The following SLC25A13 variants were observed in gnomAD, a reference collection of about 807,000 sequenced individuals.
SLC25A13 encodes the protein electrogenic aspartate/glutamate antiporter SLC25A13, mitochondrial.
In SLC25A13, 70 loss-of-function variants were observed where a neutral mutation model predicts 85.5. That is an observed-to-expected ratio of 0.82 (90% CI 0.68 to 1.00). SLC25A13 has a LOEUF of 1.00. SLC25A13 is among the 50% of genes least tolerant of loss of function. SLC25A13 has a pLI of 0.00. For synonymous variants in SLC25A13, 259 were observed against 288.7 expected, an observed-to-expected ratio of 0.90 and a Z score of 1.04; for missense variants, 765 against 819.8, an observed-to-expected ratio of 0.93 and a Z score of 0.82.
chr7:96,196,278 G>A (rs140026501), intron 5 of SLC25A13, among the ~76,000 whole-genome samples: 125 of 152,306 alleles, frequency 8.2e-4, no homozygotes, highest in African/African-American at 2.8e-3. Flanking sequence ...CATTGCTAAA[G>A]CTAGCTAAGC....
intron 3 of SLC25A13, among the ~76,000 whole-genome samples, chr7:96,266,692 T>C (rs1391228630): frequency 6.6e-6 from 1 of 152,214 alleles, no homozygotes; most frequent in Non-Finnish European, 1.5e-5. Flanking sequence ...TAAAAATTCT[T>C]TTTAATTTAC....
chr7:96,275,002 G>T (rs548161587), intron 3 of SLC25A13, among the ~76,000 whole-genome samples: 4 of 152,104 alleles, frequency 2.6e-5, no homozygotes, highest in Non-Finnish European at 5.9e-5. Context: ...GCTCTTTTTC[G>T]ATTCCATATG....
At chr7:96,127,027 G>A (rs1034569387) in intron 15 of SLC25A13, among the ~76,000 whole-genome samples, 1 of 152,158 alleles carries the variant, frequency 6.6e-6, no homozygotes, top group Admixed American at 6.6e-5. Context: ...TACTGGAACA[G>A]CTTTTAAAGG....
intron 4 of SLC25A13, among the ~76,000 whole-genome samples, chr7:96,209,271 C>T (rs1030378533): frequency 1.3e-5 from 2 of 150,554 alleles, no homozygotes; most frequent in Non-Finnish European, 3.0e-5. Context: ...CTATTATCAT[C>T]TCATTTGTTT....
At chr7:96,216,428 A>G (rs1278019145) in intron 4 of SLC25A13, among the ~76,000 whole-genome samples, 2 of 152,154 alleles carry the variant, frequency 1.3e-5, no homozygotes, top group African/African-American at 2.4e-5. Context: ...ACATCATTCT[A>G]TTATAAAGAC....
chr7:96,197,828 C>T (rs767844285), intron 5 of SLC25A13, among the ~76,000 whole-genome samples: 3 of 152,136 alleles, frequency 2.0e-5, no homozygotes, highest in East Asian at 1.9e-4. Flanking sequence ...GTAATCATTA[C>T]ATTCACATAT....
intron 1 of SLC25A13, among the ~76,000 whole-genome samples, chr7:96,297,791 T>C (rs1026451371): frequency 1.3e-5 from 2 of 152,306 alleles, no homozygotes; most frequent in Middle Eastern, 6.8e-3. Context: ...AATTAATAAA[T>C]CATAGGTCTC....
chr7:96,232,390 A>T (rs900683267), intron 4 of SLC25A13, among the ~76,000 whole-genome samples: 1 of 152,192 alleles, frequency 6.6e-6, no homozygotes, highest in African/African-American at 2.4e-5. Context: ...AAGTGATAAG[A>T]ACACAAGGAC....
chr7:96,285,143 G>A (rs147771767), intron 2 of SLC25A13, among the ~76,000 whole-genome samples: 5 of 152,164 alleles, frequency 3.3e-5, no homozygotes, highest in East Asian at 3.9e-4. Context: ...CACTCAGACC[G>A]TATTTTCTCT....
At chr7:96,237,890 T>C (rs1418452448) in intron 3 of SLC25A13, among the ~76,000 whole-genome samples, 1 of 152,064 alleles carries the variant, frequency 6.6e-6, no homozygotes, top group Non-Finnish European at 1.5e-5. Context: ...AAGGGACCTG[T>C]GGGAGAATGT....
intron 3 of SLC25A13, among the ~76,000 whole-genome samples, chr7:96,270,464 G>A (rs976845686): frequency 4.0e-5 from 6 of 151,826 alleles, no homozygotes; most frequent in African/African-American, 1.5e-4. Flanking sequence ...GCTGAGGCAG[G>A]AGAATCACTT....
At chr7:96,256,298 C>T (rs114638360) in intron 3 of SLC25A13, among the ~76,000 whole-genome samples, 5,714 of 152,148 alleles carry the variant, frequency 0.038, 349 homozygotes, top group African/African-American at 0.13. Context: ...AGTCAAGACC[C>T]GTCGGTGTGC....
At chr7:96,133,994 A>G (rs1792152408) in intron 14 of SLC25A13, among the ~76,000 whole-genome samples, 1 of 151,858 alleles carries the variant, frequency 6.6e-6, no homozygotes, top group Non-Finnish European at 1.5e-5. Context: ...CAGAAACTAA[A>G]ACCAAGCTTT....
chr7:96,222,666 G>C (rs1260817445), intron 4 of SLC25A13, among the ~76,000 whole-genome samples: 1 of 151,936 alleles, frequency 6.6e-6, no homozygotes, highest in Non-Finnish European at 1.5e-5. Flanking sequence ...GGATGGTCTC[G>C]ATCTCTTGAC....
chr7:96,206,987 CATT>C (rs1204471215), intron 5 of SLC25A13, among the ~76,000 whole-genome samples: 1 of 152,158 alleles, frequency 6.6e-6, no homozygotes, highest in Admixed American at 6.5e-5. Flanking sequence ...GTCTCAATAA[CATT>C]ATTGTCATTA....
chr7:96,180,589 A>G (rs2116616547), intron 11 of SLC25A13, among the ~76,000 whole-genome samples: 1 of 152,328 alleles, frequency 6.6e-6, no homozygotes, highest in East Asian at 1.9e-4. Flanking sequence ...TCGGTCTCCC[A>G]AAGTGCTGGG....
At chr7:96,214,150 T>C (rs1223256473) in intron 4 of SLC25A13, among the ~76,000 whole-genome samples, 5 of 152,188 alleles carry the variant, frequency 3.3e-5, no homozygotes, top group Non-Finnish European at 7.4e-5. Flanking sequence ...AGAAGACAAT[T>C]ACAAAGTGGC....
At chr7:96,162,412 G>A (rs1793543797) in intron 13 of SLC25A13, among the ~76,000 whole-genome samples, 1 of 151,968 alleles carries the variant, frequency 6.6e-6, no homozygotes. Flanking sequence ...AACAGTACAA[G>A]AAAGGTTTGA....
At chr7:96,203,014 T>C (rs956482539) in intron 5 of SLC25A13, among the ~76,000 whole-genome samples, 7 of 152,168 alleles carry the variant, frequency 4.6e-5, no homozygotes, top group Non-Finnish European at 8.8e-5. Flanking sequence ...CCACAGTTGT[T>C]TGACTCTTGG....
Sources: allele counts gnomAD v4.1 joint callset (sites outside exome capture counted in the v4.1 genomes callset), GRCh38; gene constraint gnomAD v4.1.1; transcripts MANE v1.5; gene names NCBI Gene and HGNC (gene_info 2026-07-23, HGNC 2026-07-21).